Variants in RGS20 observed in about 807,000 individuals in gnomAD.
The protein encoded by RGS20 is regulator of G protein signaling 20, also known as gz-selective GTPase-activating protein.
A neutral mutation model predicts 33.6 loss-of-function variants in RGS20; 30 were observed. The ratio of observed to expected loss-of-function variants is 0.89; its 90% CI spans 0.67 to 1.21. The LOEUF (loss-of-function observed/expected upper bound fraction) is 1.21, where lower values mean the gene tolerates loss of function less well. Among genes scored for constraint, RGS20 ranks in the 50% most tolerant of loss-of-function variants. The pLI is 0.00. For synonymous variants in RGS20, 208 were observed against 197.9 expected, an observed-to-expected ratio of 1.05 and a Z score of -0.43; for missense variants, 472 against 502.4, an observed-to-expected ratio of 0.94 and a Z score of 0.58.
chr8:53,894,387 G>A (rs1812796291), intron 2 of RGS20, among the ~76,000 whole-genome samples: 1 of 152,202 alleles, frequency 6.6e-6, no homozygotes, highest in Admixed American at 6.5e-5. Flanking sequence ...ACCTCGAGGA[G>A]CAGAGATTCT....
intron 2 of RGS20, among the ~76,000 whole-genome samples, chr8:53,895,450 T>C (rs954389086): frequency 1.3e-5 from 2 of 152,108 alleles, no homozygotes; most frequent in African/African-American, 4.8e-5. Context: ...ATCATGAAGT[T>C]ATGGTGGGAA....
rs1050346912 is a variant in RGS20 at position 53,948,608 on chromosome 8, CTATA to C, written c.743+1864_743+1867del. Among the ~76,000 whole-genome samples the C allele has an allele frequency of 5.5e-5, 6 of 109,734 alleles. 2 individuals are homozygous for C. Among genetic ancestry groups the C allele is most frequent in the Non-Finnish European group, 1.1e-4 (6 of 55,572 alleles). 72.0% of individuals were successfully genotyped at this position (109,734 alleles called of 152,430 possible). ...ATGATACAGTACATATTTACATATG[CTATA>C]TATGATACAGTACATATTTACATAT... On this transcript the variant is annotated intron_variant, in intron 4 of 5. Transcript: ENST00000297313.
chr8:53,908,331 C>T (rs1055212588), intron 2 of RGS20, among the ~76,000 whole-genome samples: 6 of 152,032 alleles, frequency 3.9e-5, no homozygotes, highest in East Asian at 1.9e-4. Context: ...CTGGACTTGC[C>T]GAGCTACTAA....
At chr8:53,947,360 G>A (rs1814529307) in intron 4 of RGS20, among the ~76,000 whole-genome samples, 1 of 133,538 alleles carries the variant, frequency 7.5e-6, no homozygotes, top group African/African-American at 2.7e-5. Context: ...TATTATATAT[G>A]CTATATATAA....
chr8:53,907,313 G>A (rs899764171), intron 2 of RGS20, among the ~76,000 whole-genome samples: 5 of 152,072 alleles, frequency 3.3e-5, no homozygotes, highest in East Asian at 3.9e-4. Flanking sequence ...TTGGCTGGGC[G>A]CGGTGGCTCA....
chr8:53,904,289 A>T (rs1022643650), intron 2 of RGS20, among the ~76,000 whole-genome samples: 1 of 152,004 alleles, frequency 6.6e-6, no homozygotes, highest in Admixed American at 6.6e-5. Flanking sequence ...CTGCCACCAC[A>T]CTTGGCTAAT....
At chr8:53,896,290 A>G (rs1205397551) in intron 2 of RGS20, among the ~76,000 whole-genome samples, 3 of 152,174 alleles carry the variant, frequency 2.0e-5, no homozygotes, top group East Asian at 3.9e-4. Flanking sequence ...CCCCAAAAAA[A>G]GAAGAATATT....
intron 2 of RGS20, among the ~76,000 whole-genome samples, chr8:53,889,471 T>A (rs921386124): frequency 1.5e-5 from 2 of 135,304 alleles, no homozygotes; most frequent in Non-Finnish European, 3.1e-5. Context: ...TCTCACTCTG[T>A]TGCCCAGGCT....
intron 1 of RGS20, among the ~76,000 whole-genome samples, chr8:53,860,532 C>T (rs1304531585): frequency 6.6e-6 from 1 of 152,140 alleles, no homozygotes; most frequent in African/African-American, 2.4e-5. Flanking sequence ...AGGCTAGCAG[C>T]CCAGGAACCT....
At chr8:53,872,456 C>T (rs796094542) in intron 1 of RGS20, among the ~76,000 whole-genome samples, 15 of 152,244 alleles carry the variant, frequency 9.9e-5, no homozygotes, top group African/African-American at 3.6e-4. Context: ...TTCACCACAC[C>T]ATGAGAGCAG....
At chr8:53,905,132 A>C (rs976054235) in intron 2 of RGS20, among the ~76,000 whole-genome samples, 1 of 152,260 alleles carries the variant, frequency 6.6e-6, no homozygotes, top group Non-Finnish European at 1.5e-5. Flanking sequence ...GTAAGCATCC[A>C]TCTGGAAGTA....
intron 2 of RGS20, among the ~76,000 whole-genome samples, chr8:53,899,092 C>T (rs182485052): frequency 1.2e-3 from 177 of 152,280 alleles, no homozygotes; most frequent in Admixed American, 3.3e-3. Context: ...AGGCAGCTGG[C>T]CCCCACACTA....
chr8:53,886,749 A>C (rs1012777286), intron 2 of RGS20, among the ~76,000 whole-genome samples: 1 of 152,306 alleles, frequency 6.6e-6, no homozygotes, highest in African/African-American at 2.4e-5. Flanking sequence ...GTGGTTGTTC[A>C]AGGCTGGAGC....
At chr8:53,911,800 T>C (rs1813354464) in intron 2 of RGS20, among the ~76,000 whole-genome samples, 1 of 151,844 alleles carries the variant, frequency 6.6e-6, no homozygotes, top group Non-Finnish European at 1.5e-5. Flanking sequence ...AATTAGCTGG[T>C]CATGGTGGTG....
chr8:53,866,652 G>A (rs1811925834), intron 1 of RGS20, among the ~76,000 whole-genome samples: 1 of 152,152 alleles, frequency 6.6e-6, no homozygotes, highest in African/African-American at 2.4e-5. Flanking sequence ...AAAGTTCTGG[G>A]ATTACAGGCT....
At chr8:53,909,209 G>GTATATATATA (rs1178436696) in intron 2 of RGS20, among the ~76,000 whole-genome samples, 8 of 43,732 alleles carry the variant, frequency 1.8e-4, no homozygotes, top group Admixed American at 3.4e-4. Flanking sequence ...TGGTATGTGT[G>GTATATATATA]TATATATATA....
chr8:53,935,239 A>C lies in RGS20; in HGVS notation c.511-4337A>C, dbSNP rs555543635. 7.5e-4 allele frequency among the ~76,000 whole-genome samples: 114 copies of C among 152,322 alleles called. 1 individual carries two copies. Among genetic ancestry groups the C allele is most frequent in the African/African-American group, 2.6e-3 (110 of 41,572 alleles). On this transcript the variant is annotated intron_variant, in intron 2 of 5. Coordinates refer to ENST00000297313, the MANE Select transcript of RGS20 (RefSeq NM_170587.4). ...GCAAACAAATTCAAAAGCCAGCAGA[A>C]GACAACAGATAACTAAGATCAGAGC...
In RGS20 at chr8:53,864,411, C is replaced by T. The variant is rs962933831; in HGVS notation, c.165+12347C>T. On this transcript the variant is annotated intron_variant, in intron 1 of 5. Transcript: ENST00000297313. Reference sequence around the variant, plus strand: ...ATTGTGCCATTGCACTCCAGCCTGGCGATAGAGCAAGACTCCATGAAAAAA... The same window carrying T: ...ATTGTGCCATTGCACTCCAGCCTGGTGATAGAGCAAGACTCCATGAAAAAA... Among the ~76,000 whole-genome samples the T allele has an allele frequency of 5.0e-4, 70 of 139,354 alleles. 2 individuals carry two copies. The highest frequency in any genetic ancestry group is 4.6e-4 in the African/African-American group (17 of 36,960). The allele number at this position is 139,354 out of a possible 152,430, so 91.4% of individuals were successfully genotyped here.
At chr8:53,933,717 T>G (rs1814042438) in intron 2 of RGS20, 1 of 153,314 alleles carries the variant, frequency 6.5e-6, no homozygotes, top group East Asian at 1.9e-4. Context: ...TTCCCCAACC[T>G]AGCAAGAGAG....
Sources: allele counts gnomAD v4.1 joint callset (sites outside exome capture counted in the v4.1 genomes callset), GRCh38; gene constraint gnomAD v4.1.1; transcripts MANE v1.5; gene names NCBI Gene and HGNC (gene_info 2026-07-23, HGNC 2026-07-21).